Variants in HAPLN3 observed in about 807,000 individuals in gnomAD.
The protein encoded by HAPLN3 is extracellular link domain containing, 1.
Under a neutral mutation model 28.1 loss-of-function variants are expected in HAPLN3, and 28 were observed. The ratio of observed to expected loss-of-function variants is 1.00; its 90% CI spans 0.74 to 1.37. The LOEUF (loss-of-function observed/expected upper bound fraction) is 1.37. Among genes scored for constraint, HAPLN3 ranks in the 40% most tolerant of loss-of-function variants. HAPLN3 has a pLI of 0.00. For missense variants in HAPLN3, 513 were observed against 504.6 expected (o/e 1.02, Z -0.16); for synonymous variants, 211 against 213.1 (o/e 0.99, Z 0.09).
Position 88,880,522 on chromosome 15 carries a change from C to T in HAPLN3, c.493+835G>A, listed in dbSNP as rs1284052385. 25 of 1,279,736 alleles carry T rather than the reference C, an allele frequency of 2.0e-5. No individual in the cohort carries two copies. Among genetic ancestry groups the T allele is most frequent in the South Asian group, 2.5e-5 (2 of 80,584 alleles). 79.3% of individuals were successfully genotyped at this position (1,279,736 alleles called of 1,614,324 possible). On this transcript the variant is annotated intron_variant, in intron 3 of 4. Coordinates refer to ENST00000359595, the MANE Select transcript of HAPLN3 (RefSeq NM_178232.4). This position sits in a 1 kb window ranked among gnomAD's most constrained non-coding sequence, Gnocchi z 6.0. ...ATTTACCCACATGTCATAGCTGGGACGGGCTGGGGCTAAAGTCAGGTCACC... is the reference window on the plus strand; with the variant it reads ...ATTTACCCACATGTCATAGCTGGGATGGGCTGGGGCTAAAGTCAGGTCACC...
intron 1 of HAPLN3, among the ~76,000 whole-genome samples, chr15:88,891,605 T>C (rs537948564): frequency 6.6e-6 from 1 of 152,334 alleles, no homozygotes; most frequent in Admixed American, 6.5e-5. Flanking sequence ...GTATCTCTCA[T>C]GTAATCCTTA....
rs1332739314 is a variant in HAPLN3 at position 88,879,596 on chromosome 15, C to T, written c.494-327G>A. 11 of 1,329,274 alleles carry T rather than the reference C, an allele frequency of 8.3e-6. No individual in the cohort carries two copies. Among genetic ancestry groups the T allele is most frequent in the East Asian group, 8.3e-5 (2 of 24,238 alleles). 82.3% of individuals were successfully genotyped at this position (1,329,274 alleles called of 1,614,324 possible). A position where few individuals can be genotyped will look rare whatever the true frequency, so the allele number is the denominator to read the frequency against. On this transcript the variant is annotated intron_variant, in intron 3 of 4. Coordinates refer to ENST00000359595, the MANE Select transcript of HAPLN3 (RefSeq NM_178232.4). This position sits in a 1 kb window ranked among gnomAD's most constrained non-coding sequence, Gnocchi z 5.0. Reference sequence around the variant, plus strand: ...CTGTGCCATCTTCTCCAGACAGGCCCGGGCTTTGGGCTCTAGGGGCCAGGT... The same window carrying T: ...CTGTGCCATCTTCTCCAGACAGGCCTGGGCTTTGGGCTCTAGGGGCCAGGT...
chr15:88,886,679 G>C lies in HAPLN3; in HGVS notation c.124+496C>G, dbSNP rs566784938. ...TTCTCTACTAAAAATACAAAAAGTAGCCAGGCATGGTGGCACATGCTTGTA... is the reference window on the plus strand; with the variant it reads ...TTCTCTACTAAAAATACAAAAAGTACCCAGGCATGGTGGCACATGCTTGTA... On this transcript the variant is annotated intron_variant, in intron 2 of 4. Transcript: ENST00000359595. Among the ~76,000 whole-genome samples, 3 of 152,144 alleles carry C rather than the reference G, an allele frequency of 2.0e-5. No individual in the cohort carries two copies. In the East Asian group the frequency reaches 5.9e-4, roughly 30 times the overall value.
At position 88,888,976 on chromosome 15, in the gene HAPLN3, T is replaced by A. The variant is rs1206054212; in HGVS notation, c.-47-1631A>T. On this transcript the variant is annotated intron_variant, in intron 1 of 4. Coordinates refer to ENST00000359595, the MANE Select transcript of HAPLN3 (RefSeq NM_178232.4). This position sits in a 1 kb window ranked among gnomAD's most constrained non-coding sequence, Gnocchi z 4.1. ...TTCTCTGACACGTATTGGTCCCTGT[T>A]GTCCCAGTTCCCCAGGCCTTCTGGC... Among the ~76,000 whole-genome samples, 3 of 152,222 alleles carry A rather than the reference T, an allele frequency of 2.0e-5. No individual in the cohort carries two copies. The highest frequency in any genetic ancestry group is 6.5e-5 in the Admixed American group (1 of 15,286).
At position 88,879,072 on chromosome 15, in the gene HAPLN3, G is replaced by C; in HGVS notation, c.691C>G (p.Gln231Glu). The C allele has an allele frequency of 6.2e-7, 1 of 1,608,176 alleles. No individual in the cohort carries two copies. The highest frequency in any genetic ancestry group is 8.5e-7 in the Non-Finnish European group (1 of 1,177,430). Residue 231 changes from glutamine to glutamate, a missense_variant, in exon 4 of 5, where the codon CAG becomes GAG. Gln to Glu is a conservative substitution (Grantham distance 29). Transcript: ENST00000359595. This position sits in a 1 kb window ranked among gnomAD's most constrained non-coding sequence, Gnocchi z 5.0. ...TVQYPIMLPRQPCGGPGLAPG... is the reference protein window; with the variant it reads ...TVQYPIMLPREPCGGPGLAPG... The stretch of plus-strand genomic sequence containing the variant: ...GCCAGGCCCGGGCCACCGCAGGGCT[G>C]CCGGGGCAACATGATGGGGTACTGC...
chr15:88,879,754 A>G lies in HAPLN3; in HGVS notation c.494-485T>C, dbSNP rs796264443. 6.0e-6 allele frequency: 7 copies of G among 1,167,634 alleles called. No homozygotes were observed. The South Asian group carries it at 1.0e-4, about 17-fold the overall frequency. 72.3% of individuals were successfully genotyped at this position (1,167,634 alleles called of 1,614,324 possible). ...TTTTCAGGAGAAGGAGAGGCCCTAG[A>G]GGCCGTGGGGAGAGGGTTGGGGAAG... is the stretch of plus-strand genomic sequence containing the variant. On this transcript the variant is annotated intron_variant, in intron 3 of 4. Coordinates refer to ENST00000359595, the MANE Select transcript of HAPLN3 (RefSeq NM_178232.4). The surrounding 1 kb of genome is among the most constrained non-coding windows in gnomAD (Gnocchi z 5.0).
intron 1 of HAPLN3, among the ~76,000 whole-genome samples, chr15:88,893,430 T>G (rs8029546): frequency 6.7e-6 from 1 of 148,738 alleles, no homozygotes; most frequent in African/African-American, 2.5e-5. Context: ...AAAAAAAAAA[T>G]GGGCTGTGGT....
At position 88,880,028 on chromosome 15, in the gene HAPLN3, AG is replaced by A; in HGVS notation, c.494-760del. Reference sequence around the variant, plus strand: ...ATCTCCTCCGTGTGGCCAAGGACCCAGGAACAGCCTGAGCCCCAAACCTCCG... The same window carrying A: ...ATCTCCTCCGTGTGGCCAAGGACCCAGAACAGCCTGAGCCCCAAACCTCCG... On this transcript the variant is annotated intron_variant, in intron 3 of 4. Coordinates refer to ENST00000359595, the MANE Select transcript of HAPLN3 (RefSeq NM_178232.4). This position sits in a 1 kb window ranked among gnomAD's most constrained non-coding sequence, Gnocchi z 6.0. 1.0e-6 allele frequency: 1 copy of A among 994,116 alleles called. No homozygotes were observed. Among genetic ancestry groups the A allele is most frequent in the Non-Finnish European group, 1.2e-6 (1 of 835,310 alleles). 61.6% of individuals were successfully genotyped at this position (994,116 alleles called of 1,614,324 possible).
chr15:88,878,303 G>A (rs756096080), intron 4 of HAPLN3, 47 bp from the exon 5 acceptor site: 17 of 1,549,700 alleles, frequency 1.1e-5, no homozygotes, highest in Admixed American at 1.8e-5. Context: ...GGGGCAGCCA[G>A]AGAGCACAGC....
chr15:88,886,382 C>G (rs1029565823), intron 2 of HAPLN3, among the ~76,000 whole-genome samples: 7 of 151,540 alleles, frequency 4.6e-5, no homozygotes, highest in African/African-American at 1.7e-4. Flanking sequence ...TATTTTCACC[C>G]TTGCCTACAT....
rs1008360780 is a variant in HAPLN3 at position 88,879,297 on chromosome 15, G to T, written c.494-28C>A. The T allele has an allele frequency of 1.2e-6, 2 of 1,603,490 alleles. No homozygotes were observed. The highest frequency in any genetic ancestry group is 1.7e-6 in the Non-Finnish European group (2 of 1,177,554). On this transcript the variant is annotated intron_variant, in intron 3 of 4. Coordinates refer to ENST00000359595, the MANE Select transcript of HAPLN3 (RefSeq NM_178232.4). This position sits in a 1 kb window ranked among gnomAD's most constrained non-coding sequence, Gnocchi z 5.0. ...GCAGGGGAAGGAAAGAGGAGCTTAG[G>T]GGGTGGCCAGGGGCCCAGCTGGCTG...
chr15:88,893,824 A>G (rs1461691128), intron 1 of HAPLN3, among the ~76,000 whole-genome samples: 1 of 150,868 alleles, frequency 6.6e-6, no homozygotes, highest in Admixed American at 6.6e-5. Flanking sequence ...GCTACTCGGG[A>G]GGCTGAAGCA....
rs570086694 is a variant in HAPLN3 at position 88,888,918 on chromosome 15, G to T, written c.-47-1573C>A. Among the ~76,000 whole-genome samples the T allele has an allele frequency of 6.6e-6, 1 of 152,290 alleles. No individual in the cohort carries two copies. Among genetic ancestry groups the T allele is most frequent in the East Asian group, 1.9e-4 (1 of 5,182 alleles). On this transcript the variant is annotated intron_variant, in intron 1 of 4. Coordinates refer to ENST00000359595, the MANE Select transcript of HAPLN3 (RefSeq NM_178232.4). This position sits in a 1 kb window ranked among gnomAD's most constrained non-coding sequence, Gnocchi z 4.1. ...GGGGTATACAGGAGGTCCTCCATTT[G>T]CCCCACACACCCACCAGGTCCATCG...
intron 1 of HAPLN3, among the ~76,000 whole-genome samples, chr15:88,887,625 C>G (rs538015988): frequency 1.2e-4 from 18 of 152,152 alleles, no homozygotes; most frequent in Non-Finnish European, 2.1e-4. Context: ...GAAAATTAAG[C>G]AGGATGATAT....
At position 88,880,366 on chromosome 15, in the gene HAPLN3, G is replaced by T; in HGVS notation, c.493+991C>A. On this transcript the variant is annotated intron_variant, in intron 3 of 4. Transcript: ENST00000359595. This position sits in a 1 kb window ranked among gnomAD's most constrained non-coding sequence, Gnocchi z 6.0. ...CACCATGTAAGCCATGTGGACACTGGTGGCAAAGACAGAGAACGCATTTTA... is the reference window on the plus strand; with the variant it reads ...CACCATGTAAGCCATGTGGACACTGTTGGCAAAGACAGAGAACGCATTTTA... 1 of 1,122,974 alleles carries T rather than the reference G, an allele frequency of 8.9e-7. No homozygotes were observed. The highest frequency in any genetic ancestry group is 1.1e-6 in the Non-Finnish European group (1 of 906,158). 69.6% of individuals were successfully genotyped at this position (1,122,974 alleles called of 1,614,324 possible).
Position 88,881,231 on chromosome 15 carries a change from C to T in HAPLN3, c.493+126G>A. On this transcript the variant is annotated intron_variant, in intron 3 of 4. Transcript: ENST00000359595. The surrounding 1 kb of genome is among the most constrained non-coding windows in gnomAD (Gnocchi z 6.0). Reference sequence around the variant, plus strand: ...AAATGGGGGTCACAACAGTAGCTTCCATGTGGGTTGTTTTGAGAATTAAGT... The same window carrying T: ...AAATGGGGGTCACAACAGTAGCTTCTATGTGGGTTGTTTTGAGAATTAAGT... 1 of 1,264,956 alleles carries T rather than the reference C, an allele frequency of 7.9e-7. No individual in the cohort carries two copies. The highest frequency in any genetic ancestry group is 2.3e-5 in the East Asian group (1 of 42,568). 78.4% of individuals were successfully genotyped at this position (1,264,956 alleles called of 1,614,324 possible). A position where few individuals can be genotyped will look rare whatever the true frequency, so the allele number is the denominator to read the frequency against.
intron 2 of HAPLN3, among the ~76,000 whole-genome samples, chr15:88,884,943 A>G (rs1897807379): frequency 6.6e-6 from 1 of 152,254 alleles, no homozygotes; most frequent in South Asian, 2.1e-4. Context: ...CACAGGAGGT[A>G]CAGTCCTATC....
intron 1 of HAPLN3, among the ~76,000 whole-genome samples, chr15:88,894,837 A>C (rs960361090): frequency 6.6e-6 from 1 of 151,872 alleles, no homozygotes; most frequent in African/African-American, 2.4e-5. Context: ...TCTCCCACCC[A>C]GGGCTCTGCC....
Position 88,880,722 on chromosome 15 carries a change from T to C in HAPLN3, c.493+635A>G. 2.3e-6 allele frequency: 1 copy of C among 430,782 alleles called. No individual in the cohort carries two copies. Among genetic ancestry groups the C allele is most frequent in the Non-Finnish European group, 3.6e-6 (1 of 276,994 alleles). 26.7% of individuals were successfully genotyped at this position (430,782 alleles called of 1,614,324 possible). A position where few individuals can be genotyped will look rare whatever the true frequency, so the allele number is the denominator to read the frequency against. Reference sequence around the variant, plus strand: ...ACAGCACTGGGTTTTTGTTTTTGGTTTTGGGGGGGCTTTTTGTTTGTTTTT... The same window carrying C: ...ACAGCACTGGGTTTTTGTTTTTGGTCTTGGGGGGGCTTTTTGTTTGTTTTT... On this transcript the variant is annotated intron_variant, in intron 3 of 4. Coordinates refer to ENST00000359595, the MANE Select transcript of HAPLN3 (RefSeq NM_178232.4). This position sits in a 1 kb window ranked among gnomAD's most constrained non-coding sequence, Gnocchi z 6.0.
Sources: gnomAD v4.1 joint callset for allele counts (sites outside exome capture counted in the v4.1 genomes callset) on GRCh38, gnomAD v4.1.1 for gene constraint, Gnocchi (gnomAD v3.1) non-coding constraint, MANE v1.5 for transcripts, NCBI Gene and HGNC (gene_info 2026-07-23, HGNC 2026-07-21) for gene names.